Variants in REPS1 observed in about 807,000 individuals in gnomAD.
REPS1 encodes the protein ralBP1-associated Eps domain-containing protein 1.
A neutral mutation model predicts 100.9 loss-of-function variants in REPS1; 39 were observed. The ratio of observed to expected loss-of-function variants is 0.39; its 90% confidence interval spans 0.30 to 0.50. The LOEUF is 0.50. REPS1 is among the 20% of genes least tolerant of loss of function. The probability of loss-of-function intolerance (pLI) is 0.86; values close to 1 mark genes in which losing one functional copy is unlikely to be tolerated. For missense variants in REPS1, 821 were observed against 968.5 expected (o/e 0.85, Z 2.02); for synonymous variants, 324 against 340.3 (o/e 0.95, Z 0.53).
chr6:138,912,925 G>A lies in REPS1; in HGVS notation c.1811C>T (p.Pro604Leu). 3.1e-6 allele frequency: 5 copies of A among 1,613,986 alleles called. No homozygotes were observed. Among genetic ancestry groups the A allele is most frequent in the Admixed American group, 1.7e-5 (1 of 60,008 alleles). The change falls in exon 16 of 20, where the codon CCA (proline) becomes CTA (leucine). Residue 604 changes from proline to leucine, a missense_variant. Physicochemically the swap from Pro to Leu is moderately conservative, Grantham distance 98 (BLOSUM62 -3). Coordinates refer to ENST00000450536, the MANE Select transcript of REPS1 (RefSeq NM_001286611.2). ...AGTTATGAGGCCATCGGCATCCACT[G>A]GGCGATGCACAGCAGGACCAGGAGC... The part of the protein sequence containing the change: ...SQAPGPAVHR[P>L]VDADGLITHT...
At chr6:138,926,375 ACAAG>A in intron 10 of REPS1, 22 bp downstream of exon 10, 1 of 1,543,320 alleles carries the variant, frequency 6.5e-7, no homozygotes. Flanking sequence ...TTAATCTCAA[ACAAG>A]CAAGCTAAGT....
chr6:138,962,804 T>C (rs1029833624), intron 1 of REPS1, among the ~76,000 whole-genome samples: 4 of 152,200 alleles, frequency 2.6e-5, no homozygotes, highest in Non-Finnish European at 5.9e-5. Flanking sequence ...AGGCCTCTTA[T>C]ATTCCCAGCA....
chr6:138,973,566 G>C (rs1319821808), intron 1 of REPS1, among the ~76,000 whole-genome samples: 2 of 118,624 alleles, frequency 1.7e-5, no homozygotes, highest in African/African-American at 6.5e-5. Flanking sequence ...TAATACACAA[G>C]CGTGTCAGAA....
intron 12 of REPS1, 94 bp from the exon 13 acceptor site, chr6:138,917,721 G>C: frequency 3.1e-6 from 3 of 977,746 alleles, no homozygotes; most frequent in Non-Finnish European, 4.7e-6. Context: ...GCTGTTTCAA[G>C]CCAGAGATAG....
intron 1 of REPS1, among the ~76,000 whole-genome samples, chr6:138,957,805 G>C (rs187941247): frequency 1.3e-5 from 2 of 152,298 alleles, no homozygotes; most frequent in Admixed American, 6.5e-5. Flanking sequence ...GTACAATACT[G>C]AATACTTGGC....
At chr6:138,959,562 A>G (rs1783609384) in intron 1 of REPS1, among the ~76,000 whole-genome samples, 1 of 152,196 alleles carries the variant, frequency 6.6e-6, no homozygotes. Flanking sequence ...TCATTTTTGT[A>G]AAAATTATTC....
chr6:138,961,868 T>C (rs192036362), intron 1 of REPS1, among the ~76,000 whole-genome samples: 2 of 152,252 alleles, frequency 1.3e-5, no homozygotes, highest in African/African-American at 2.4e-5. Flanking sequence ...AAGCAATTAA[T>C]ATGAATTAGC....
intron 2 of REPS1, among the ~76,000 whole-genome samples, chr6:138,947,207 G>A (rs1456591947): frequency 6.6e-6 from 1 of 152,002 alleles, no homozygotes; most frequent in East Asian, 1.9e-4. Context: ...CCAGTCTCAG[G>A]GATTTCTTTA....
intron 1 of REPS1, among the ~76,000 whole-genome samples, chr6:138,950,813 T>G (rs2128482597): frequency 6.6e-6 from 1 of 152,346 alleles, no homozygotes; most frequent in South Asian, 2.1e-4. Context: ...TTTATGGTCT[T>G]GTTCCAAACT....
Position 138,979,186 on chromosome 6 carries a change from AAAAAAAAAAAAC to A in REPS1, c.153+8332_153+8343del, listed in dbSNP as rs1310722280. 5.4e-5 allele frequency among the ~76,000 whole-genome samples: 8 copies of A among 147,314 alleles called. No individual in the cohort carries two copies. In the East Asian group the frequency reaches 9.9e-4, roughly 18 times the overall value. ...ACAGAGCGAGAATCCATCACAAAAA[AAAAAAAAAAAAC>A]AAAAAAAAAAAACTGAAGAAGTATC... is the stretch of plus-strand genomic sequence containing the variant. On this transcript the variant is annotated intron_variant, in intron 1 of 19. Transcript: ENST00000450536.
At chr6:138,921,498 T>C (rs913481590) in intron 10 of REPS1, among the ~76,000 whole-genome samples, 1 of 143,868 alleles carries the variant, frequency 7.0e-6, no homozygotes, top group Admixed American at 7.0e-5. Flanking sequence ...TCAAAAAATA[T>C]AAAAACGATC....
At chr6:138,936,591 G>A (rs991073944) in intron 8 of REPS1, among the ~76,000 whole-genome samples, 12 of 143,342 alleles carry the variant, frequency 8.4e-5, no homozygotes, top group Admixed American at 2.1e-4. Context: ...CGGCAGGGTG[G>A]GGGGGGAGAC....
chr6:138,927,283 G>A (rs980659837), intron 9 of REPS1: 1 of 152,048 alleles, frequency 6.6e-6, no homozygotes, highest in Admixed American at 6.6e-5. Flanking sequence ...TCTTCTAAAA[G>A]AGGTACACAA....
intron 1 of REPS1, among the ~76,000 whole-genome samples, chr6:138,967,060 A>G (rs1183853772): frequency 1.3e-5 from 2 of 152,324 alleles, no homozygotes; most frequent in East Asian, 3.9e-4. Flanking sequence ...AGATTAATGT[A>G]ATTTATCACA....
intron 1 of REPS1, among the ~76,000 whole-genome samples, chr6:138,983,096 G>C (rs1157232705): frequency 1.3e-5 from 2 of 152,174 alleles, no homozygotes; most frequent in Non-Finnish European, 2.9e-5. Flanking sequence ...GAGAAGGTAA[G>C]AGCTGGGACG....
At chr6:138,906,474 T>C (rs1040099539) in intron 19 of REPS1, among the ~76,000 whole-genome samples, 2 of 152,172 alleles carry the variant, frequency 1.3e-5, no homozygotes, top group African/African-American at 4.8e-5. Flanking sequence ...CTCTCAAAAG[T>C]GTCTCGATTT....
In REPS1 at chr6:138,912,772, A is replaced by G. The variant is rs777305776; in HGVS notation, c.1964T>C (p.Val655Ala). ...AAGCCCTCGAAAACTGACCGGCAGG[A>G]CTTCTGGATGTTTCTCGGCTTCATC... ...QDDEAEKHPE[V>A]LPAEKASDPA... Residue 655 changes from valine (V) to alanine (A), a missense_variant, in exon 16 of 20, where the codon GTC becomes GCC. This residue lies in a region of REPS1 where 757 missense variants were observed against 866.4 expected (regional missense o/e 0.87). Coordinates refer to ENST00000450536, the MANE Select transcript of REPS1 (RefSeq NM_001286611.2). 6.2e-7 allele frequency: 1 copy of G among 1,614,172 alleles called. No homozygotes were observed.
chr6:138,926,505 G>A (rs1322351950), intron 9 of REPS1, 24 bp from the exon 10 acceptor site: 1 of 1,531,290 alleles, frequency 6.5e-7, no homozygotes, highest in East Asian at 2.3e-5. Context: ...GGAGAGACAA[G>A]TCAGCATGAT....
chr6:138,947,682 G>T, intron 2 of REPS1, 108 bp downstream of exon 2: 3 of 1,008,712 alleles, frequency 3.0e-6, no homozygotes, highest in Non-Finnish European at 4.2e-6. Flanking sequence ...TTCACTCAAG[G>T]TCACAAATGC....
Sources: gnomAD v4.1 joint callset for allele counts (sites outside exome capture counted in the v4.1 genomes callset) on GRCh38, gnomAD v4.1.1 for gene constraint, gnomAD v4.1.1 regional missense constraint, MANE v1.5 for transcripts, NCBI Gene and HGNC (gene_info 2026-07-23, HGNC 2026-07-21) for gene names.